The following SH3PXD2B variants were observed in gnomAD, a reference collection of about 807,000 sequenced individuals.
The protein encoded by SH3PXD2B is SH3 and PX domain-containing protein 2B.
Under a neutral mutation model 73.1 loss-of-function variants are expected in SH3PXD2B, and 37 were observed. The ratio of observed to expected loss-of-function variants is 0.51; its 90% CI spans 0.39 to 0.67. The LOEUF is 0.67. Among genes scored for constraint, SH3PXD2B ranks in the 30% least tolerant of loss-of-function variants. SH3PXD2B has a pLI of 0.00. For synonymous variants in SH3PXD2B, 457 were observed against 480.5 expected, an observed-to-expected ratio of 0.95 and a Z score of 0.64; for missense variants, 1,053 against 1,197.8, an observed-to-expected ratio of 0.88 and a Z score of 1.78.
intron 6 of SH3PXD2B, among the ~76,000 whole-genome samples, chr5:172,364,414 C>A (rs1757464712): frequency 6.6e-6 from 1 of 152,124 alleles, no homozygotes; most frequent in African/African-American, 2.4e-5. Flanking sequence ...TCTGTAATCC[C>A]AGCGCTTTGG....
Position 172,362,883 on chromosome 5 carries a change from A to G in SH3PXD2B, c.428-14T>C. ...TTTGGTCACCCCCTGTGGATAGGAA[A>G]CAGACATGACATCTGGCCACCACTC... On this transcript the variant is annotated splice_polypyrimidine_tract_variant and intron_variant, in intron 6 of 12. Transcript: ENST00000311601. 6.2e-7 allele frequency: 1 copy of G among 1,614,008 alleles called. No individual in the cohort carries two copies. The highest frequency in any genetic ancestry group is 2.2e-5 in the East Asian group (1 of 44,878).
At chr5:172,357,215 G>A (rs1012125688) in intron 8 of SH3PXD2B, among the ~76,000 whole-genome samples, 1 of 151,668 alleles carries the variant, frequency 6.6e-6, no homozygotes, top group Admixed American at 6.6e-5. Flanking sequence ...CTTGAGGTCA[G>A]GAGTTCGAGA....
At chr5:172,369,003 T>C (rs1288252552) in intron 6 of SH3PXD2B, among the ~76,000 whole-genome samples, 1 of 149,874 alleles carries the variant, frequency 6.7e-6, no homozygotes, top group Non-Finnish European at 1.5e-5. Flanking sequence ...CAAGCAATTC[T>C]CCTGCCTCAG....
intron 4 of SH3PXD2B, among the ~76,000 whole-genome samples, chr5:172,382,433 AG>A (rs1757970174): frequency 6.6e-6 from 1 of 151,938 alleles, no homozygotes; most frequent in South Asian, 2.1e-4. Context: ...AATCACTTGG[AG>A]GGCTTATTAA....
Position 172,353,921 on chromosome 5 carries a change from A to G in SH3PXD2B, c.752T>C (p.Ile251Thr). Residue 251 changes from isoleucine (I) to threonine (T), a missense_variant, in exon 9 of 13, where the codon ATC (isoleucine) becomes ACC (threonine). Ile to Thr is a moderately conservative substitution (Grantham distance 89). Transcript: ENST00000311601. This position sits in a 1 kb window ranked among gnomAD's most constrained non-coding sequence, Gnocchi z 4.3. ...NLERGAVVEV[I>T]QKNLEGWWKI... ...CCACCAGCCTTCCAGGTTTTTCTGG[A>G]TGACCTCCACCACAGCCCCTCTCTC... 1 of 1,613,964 alleles carries G rather than the reference A, an allele frequency of 6.2e-7. No homozygotes were observed. The highest frequency in any genetic ancestry group is 8.5e-7 in the Non-Finnish European group (1 of 1,180,004).
intron 6 of SH3PXD2B, among the ~76,000 whole-genome samples, chr5:172,366,621 AT>A (rs1478590411): frequency 1.3e-5 from 2 of 151,630 alleles, no homozygotes; most frequent in African/African-American, 2.4e-5. Context: ...TTATTTATTT[AT>A]TTTATTTTAT....
At chr5:172,382,168 G>T in intron 4 of SH3PXD2B, 41 bp from the exon 5 acceptor site, 2 of 1,517,578 alleles carry the variant, frequency 1.3e-6, no homozygotes, top group East Asian at 4.7e-5. Flanking sequence ...GGAGGAGAGG[G>T]GGCTGAGCAT....
rs147382715 is a variant in SH3PXD2B at position 172,386,627 on chromosome 5, T to C, written c.310-4500A>G. 2.0e-3 allele frequency among the ~76,000 whole-genome samples: 307 copies of C among 152,224 alleles called. 2 individuals are homozygous for C. Among genetic ancestry groups the C allele is most frequent in the African/African-American group, 7.0e-3 (289 of 41,526 alleles). Reference sequence around the variant, plus strand: ...AGGCACATGATACCCATTTGTTTTGTTTTGTTTGTTTGCTTGTTTTTGAGA... The same window carrying C: ...AGGCACATGATACCCATTTGTTTTGCTTTGTTTGTTTGCTTGTTTTTGAGA... On this transcript the variant is annotated intron_variant, in intron 4 of 12. Coordinates refer to ENST00000311601, the MANE Select transcript of SH3PXD2B (RefSeq NM_001017995.3).
intron 1 of SH3PXD2B, among the ~76,000 whole-genome samples, chr5:172,427,479 G>A (rs1406321145): frequency 2.0e-5 from 3 of 152,142 alleles, no homozygotes; most frequent in Non-Finnish European, 4.4e-5. Context: ...CGAAGTAGCT[G>A]GGACTACAGG....
Position 172,333,775 on chromosome 5 carries a change from G to C in SH3PXD2B, c.*4594C>G. ...GTGGGCAGTGCCCACTGTTCCTGGA[G>C]GGAGGTAAGAAATGGCCTGTTACTT... On this transcript the variant is annotated 3_prime_UTR_variant, in exon 13 of 13. Coordinates refer to ENST00000311601, the MANE Select transcript of SH3PXD2B (RefSeq NM_001017995.3). 1 of 1,289,180 alleles carries C rather than the reference G, an allele frequency of 7.8e-7. No homozygotes were observed. Among genetic ancestry groups the C allele is most frequent in the Non-Finnish European group, 1.0e-6 (1 of 988,736 alleles). 79.9% of individuals were successfully genotyped at this position (1,289,180 alleles called of 1,614,324 possible).
At chr5:172,411,093 A>T (rs1758680465) in intron 2 of SH3PXD2B, among the ~76,000 whole-genome samples, 1 of 152,212 alleles carries the variant, frequency 6.6e-6, no homozygotes, top group Admixed American at 6.5e-5. Flanking sequence ...CAGAGCCATT[A>T]ATCAGTCTCA....
intron 2 of SH3PXD2B, among the ~76,000 whole-genome samples, chr5:172,406,854 C>G (rs982899090): frequency 6.6e-6 from 1 of 152,078 alleles, no homozygotes; most frequent in Admixed American, 6.5e-5. Flanking sequence ...GAACAGGAGA[C>G]AGCGAGGAAA....
chr5:172,346,820 C>A lies in SH3PXD2B; in HGVS notation c.1062+463G>T, dbSNP rs1379586316. On this transcript the variant is annotated intron_variant, in intron 11 of 12. Transcript: ENST00000311601. ...AAAGAGCAAGACCCCGTCTCAAAAA[C>A]CAATGCAAACAAATAAAAAAAACCC... Among the ~76,000 whole-genome samples, 7 of 151,972 alleles carry A rather than the reference C, an allele frequency of 4.6e-5. No individual in the cohort carries two copies. The South Asian group carries it at 1.2e-3, about 27-fold the overall frequency.
chr5:172,391,396 A>G (rs187796206), intron 4 of SH3PXD2B, among the ~76,000 whole-genome samples: 4 of 152,266 alleles, frequency 2.6e-5, no homozygotes, highest in Admixed American at 2.6e-4. Context: ...TTCTTGGTGT[A>G]TGTTCAATAC....
intron 2 of SH3PXD2B, among the ~76,000 whole-genome samples, chr5:172,419,597 G>A (rs1325473812): frequency 1.3e-5 from 2 of 152,166 alleles, no homozygotes; most frequent in East Asian, 3.9e-4. Flanking sequence ...GGCTCCATGG[G>A]AGATCCTGAG....
intron 8 of SH3PXD2B, among the ~76,000 whole-genome samples, chr5:172,355,805 A>T (rs192646117): frequency 6.6e-6 from 1 of 151,862 alleles, no homozygotes; most frequent in East Asian, 1.9e-4. Context: ...CGGCCTCCCA[A>T]CGTGCTGGGA....
intron 4 of SH3PXD2B, among the ~76,000 whole-genome samples, chr5:172,388,679 C>G (rs1758107010): frequency 6.6e-6 from 1 of 152,232 alleles, no homozygotes; most frequent in Non-Finnish European, 1.5e-5. Context: ...CAAGGAAAGT[C>G]TGACTCTGGA....
Position 172,353,980 on chromosome 5 carries a change from C to G in SH3PXD2B, c.693G>C (p.Pro231=). 1 of 1,613,984 alleles carries G rather than the reference C, an allele frequency of 6.2e-7. No individual in the cohort carries two copies. The highest frequency in any genetic ancestry group is 8.5e-7 in the Non-Finnish European group (1 of 1,180,010). The change falls in exon 9 of 13, where the codon CCG becomes CCC. Residue 231 remains proline (P), a synonymous_variant. Coordinates refer to ENST00000311601, the MANE Select transcript of SH3PXD2B (RefSeq NM_001017995.3). The surrounding 1 kb of genome is among the most constrained non-coding windows in gnomAD (Gnocchi z 4.3). ...EEEEKYTVIY[P]YTARDQDEMN... ...TTTCATCCTGGTCCCGAGCTGTGTACGGGTAGATGACTGTGTACTTCTCCT... is the reference window on the plus strand; with the variant it reads ...TTTCATCCTGGTCCCGAGCTGTGTAGGGGTAGATGACTGTGTACTTCTCCT...
intron 1 of SH3PXD2B, among the ~76,000 whole-genome samples, chr5:172,453,922 GCTTT>G (rs1233674298): frequency 1.3e-5 from 2 of 152,178 alleles, no homozygotes; most frequent in African/African-American, 4.8e-5. Context: ...TGTCTCTCCC[GCTTT>G]CTGTCTCAGA....
Sources: gnomAD v4.1 joint callset for allele counts (sites outside exome capture counted in the v4.1 genomes callset) on GRCh38, gnomAD v4.1.1 for gene constraint, Gnocchi (gnomAD v3.1) non-coding constraint, MANE v1.5 for transcripts, NCBI Gene and HGNC (gene_info 2026-07-23, HGNC 2026-07-21) for gene names.